Variants in ARMH3 observed in about 807,000 individuals in gnomAD.
ARMH3 encodes the protein armadillo-like helical domain-containing protein 3.
In ARMH3, 60 loss-of-function variants were observed where a neutral mutation model predicts 99.1. The observed-to-expected ratio is 0.61, with a 90% confidence interval of 0.49 to 0.75. The LOEUF is 0.75. Among genes scored for constraint, ARMH3 ranks in the 30% least tolerant of loss-of-function variants. ARMH3 has a pLI of 0.00. For synonymous variants in ARMH3, 285 were observed against 292.8 expected (o/e 0.97, Z 0.27); for missense variants, 679 against 843.1 (o/e 0.81, Z 2.41).
intron 24 of ARMH3, among the ~76,000 whole-genome samples, chr10:101,864,610 G>A (rs527877074): frequency 6.6e-6 from 1 of 152,256 alleles, no homozygotes; most frequent in African/African-American, 2.4e-5. Flanking sequence ...GGATGAAGCT[G>A]GAAACCATAA....
chr10:101,931,486 T>C (rs998937353), intron 23 of ARMH3, among the ~76,000 whole-genome samples: 6 of 151,568 alleles, frequency 4.0e-5, no homozygotes, highest in Non-Finnish European at 7.4e-5. Flanking sequence ...GACTGCACCA[T>C]TGCACTCCAG....
chr10:101,882,035 A>C (rs2067432916), intron 24 of ARMH3, among the ~76,000 whole-genome samples: 1 of 152,164 alleles, frequency 6.6e-6, no homozygotes, highest in Admixed American at 6.6e-5. Context: ...CTCTTGCACT[A>C]TTCCATCCTC....
intron 1 of ARMH3, among the ~76,000 whole-genome samples, chr10:102,047,486 CTT>C (rs796094967): frequency 1.8e-4 from 25 of 141,194 alleles, no homozygotes; most frequent in Admixed American, 2.9e-4. Context: ...TTGAACCAAA[CTT>C]TTTTTTTTTT....
At chr10:101,892,242 C>T (rs377113150) in intron 23 of ARMH3, among the ~76,000 whole-genome samples, 11 of 151,968 alleles carry the variant, frequency 7.2e-5, no homozygotes, top group Admixed American at 6.6e-4. Flanking sequence ...CCCAGGAGTT[C>T]GAGACCAGCC....
intron 19 of ARMH3, among the ~76,000 whole-genome samples, chr10:101,989,022 C>T (rs1846647319): frequency 6.6e-6 from 1 of 151,176 alleles, no homozygotes; most frequent in Non-Finnish European, 1.5e-5. Flanking sequence ...CTGCAATGGG[C>T]TTTACTCAAT....
chr10:102,024,954 AG>A (rs2066968575), intron 6 of ARMH3, among the ~76,000 whole-genome samples: 1 of 152,226 alleles, frequency 6.6e-6, no homozygotes, highest in Non-Finnish European at 1.5e-5. Flanking sequence ...CATAGCCTGC[AG>A]GCCAAAAATG....
chr10:101,907,976 G>A (rs890538633), intron 23 of ARMH3, among the ~76,000 whole-genome samples: 2 of 152,154 alleles, frequency 1.3e-5, no homozygotes, highest in Non-Finnish European at 2.9e-5. Context: ...ACAGTGTAAG[G>A]AATTTTTAGC....
intron 24 of ARMH3, among the ~76,000 whole-genome samples, chr10:101,865,647 C>T (rs1408023149): frequency 6.6e-6 from 1 of 152,016 alleles, no homozygotes; most frequent in African/African-American, 2.4e-5. Context: ...AACCACCACT[C>T]CAGGCTAATT....
intron 23 of ARMH3, 75 bp downstream of exon 23, chr10:101,939,788 C>T: frequency 1.5e-6 from 2 of 1,304,070 alleles, no homozygotes; most frequent in Non-Finnish European, 2.2e-6. Flanking sequence ...GTGTTCAACA[C>T]ACTTTACTTA....
chr10:101,973,974 C>G (rs1202053142), intron 20 of ARMH3, among the ~76,000 whole-genome samples: 2 of 152,128 alleles, frequency 1.3e-5, no homozygotes, highest in Non-Finnish European at 2.9e-5. Flanking sequence ...CAATAATAGT[C>G]CTTTATATTA....
chr10:101,960,949 G>A (rs932082664), intron 20 of ARMH3, among the ~76,000 whole-genome samples: 1 of 151,522 alleles, frequency 6.6e-6, no homozygotes, highest in Non-Finnish European at 1.5e-5. Flanking sequence ...AGCTGAACGT[G>A]AAAGTGGGGT....
intron 24 of ARMH3, among the ~76,000 whole-genome samples, chr10:101,865,209 A>G (rs2066972210): frequency 1.4e-5 from 2 of 142,872 alleles, no homozygotes; most frequent in Non-Finnish European, 3.0e-5. Context: ...GTGTGAGACT[A>G]TGTCTCAAAA....
At chr10:101,928,012 C>T (rs1324706450) in intron 23 of ARMH3, among the ~76,000 whole-genome samples, 1 of 152,112 alleles carries the variant, frequency 6.6e-6, no homozygotes, top group Admixed American at 6.6e-5. Context: ...AGGCAGAGGT[C>T]GCAGTGAGCC....
intron 20 of ARMH3, 75 bp from the exon 21 acceptor site, chr10:101,957,807 C>T: frequency 6.7e-7 from 1 of 1,486,014 alleles, no homozygotes; most frequent in Non-Finnish European, 8.9e-7. Flanking sequence ...AACAGACTAG[C>T]TCTAAAAAAA....
chr10:101,923,380 A>C (rs896241121), intron 23 of ARMH3, among the ~76,000 whole-genome samples: 3 of 152,230 alleles, frequency 2.0e-5, no homozygotes, highest in Admixed American at 6.5e-5. Flanking sequence ...CCATGTCATT[A>C]ATTGCCTGCT....
At chr10:102,028,587 C>A (rs547612649) in intron 5 of ARMH3, among the ~76,000 whole-genome samples, 1 of 152,198 alleles carries the variant, frequency 6.6e-6, no homozygotes. Flanking sequence ...ACTAATACAT[C>A]CTATAATATG....
intron 25 of ARMH3, among the ~76,000 whole-genome samples, chr10:101,848,395 C>T (rs1564684645): frequency 1.3e-5 from 2 of 152,126 alleles, no homozygotes; most frequent in Admixed American, 6.5e-5. Context: ...GGCCCAAGTC[C>T]CTACTCTGAG....
chr10:102,043,308 T>G (rs1014774031), intron 1 of ARMH3, among the ~76,000 whole-genome samples: 1 of 152,240 alleles, frequency 6.6e-6, no homozygotes, highest in Non-Finnish European at 1.5e-5. Context: ...GACAAGTTAC[T>G]GTGCTTCTCA....
chr10:101,921,586 T>G (rs148311182), intron 23 of ARMH3, among the ~76,000 whole-genome samples: 2 of 152,180 alleles, frequency 1.3e-5, no homozygotes, highest in Admixed American at 1.3e-4. Context: ...AACCTAAGTG[T>G]CTACGAATGG....
Sources: gnomAD v4.1 joint callset for allele counts (sites outside exome capture counted in the v4.1 genomes callset) on GRCh38, gnomAD v4.1.1 for gene constraint, MANE v1.5 for transcripts, NCBI Gene and HGNC (gene_info 2026-07-23, HGNC 2026-07-21) for gene names.